Variants in PPP2R1B observed in about 807,000 individuals in gnomAD.
PPP2R1B encodes the protein serine/threonine-protein phosphatase 2A 65 kDa regulatory subunit A beta isoform.
A neutral mutation model predicts 72.7 loss-of-function variants in PPP2R1B; 58 were observed. The ratio of observed to expected loss-of-function variants is 0.80; its 90% CI spans 0.65 to 0.99. The LOEUF is 0.99. Ranked by LOEUF, PPP2R1B falls within the 50% of genes least tolerant of loss-of-function variation. The probability of loss-of-function intolerance (pLI) is 0.00; values close to 1 mark genes in which losing one functional copy is unlikely to be tolerated. For synonymous variants in PPP2R1B, 256 were observed against 264.6 expected (o/e 0.97, Z 0.32); for missense variants, 695 against 733.6 (o/e 0.95, Z 0.61).
downstream of PPP2R1B, chr11:111,737,868 C>T (rs1224766331): frequency 1.7e-6 from 2 of 1,209,554 alleles, no homozygotes; most frequent in Non-Finnish European, 2.1e-6. Flanking sequence ...ACAGGAAAGA[C>T]CTGGCTCCTT....
At chr11:111,691,507 C>T in the PPP2R1B span, among the ~76,000 whole-genome samples, 1 of 152,184 alleles carries the variant, frequency 6.6e-6, no homozygotes, top group African/African-American at 2.4e-5. Flanking sequence ...ACCTAGGTCT[C>T]TCTGACCACA....
intron 5 of PPP2R1B, among the ~76,000 whole-genome samples, chr11:111,757,307 A>G (rs921716928): frequency 6.6e-6 from 1 of 152,326 alleles, no homozygotes; most frequent in African/African-American, 2.4e-5. Flanking sequence ...CTTGAGAGAC[A>G]TAACAGTGAC....
chr11:111,731,454 T>C (rs1167779789), intron 15 of PPP2R1B, among the ~76,000 whole-genome samples: 1 of 152,258 alleles, frequency 6.6e-6, no homozygotes, highest in Admixed American at 6.5e-5. Flanking sequence ...CTCAGGGTGC[T>C]GGAGGCACCA....
intron 5 of PPP2R1B, among the ~76,000 whole-genome samples, chr11:111,759,157 T>C (rs1945233586): frequency 6.6e-6 from 1 of 152,218 alleles, no homozygotes; most frequent in Admixed American, 6.5e-5. Flanking sequence ...CTGCTAACTA[T>C]GCAAACTTCA....
In PPP2R1B at chr11:111,738,599, A is replaced by T; in HGVS notation, c.*2997T>A. 1.0e-6 allele frequency: 1 copy of T among 985,344 alleles called. No homozygotes were observed. Among genetic ancestry groups the T allele is most frequent in the Non-Finnish European group, 1.2e-6 (1 of 829,934 alleles). The allele number at this position is 985,344 out of a possible 1,614,324, so 61.0% of individuals were successfully genotyped here. On this transcript the variant is annotated 3_prime_UTR_variant, in exon 15 of 15. Coordinates refer to ENST00000527614, the MANE Select transcript of PPP2R1B (RefSeq NM_002716.5). The stretch of plus-strand genomic sequence containing the variant: ...AGTCAGGACAAGTTGTCTGGCAAAG[A>T]CCCCTGGGGCTCTGCATCACAGTGG...
chr11:111,762,709 T>C (rs1945372599), intron 3 of PPP2R1B, among the ~76,000 whole-genome samples: 1 of 152,026 alleles, frequency 6.6e-6, no homozygotes, highest in African/African-American at 2.4e-5. Flanking sequence ...CATGCCCAGC[T>C]ATTTTTTTTT....
chr11:111,700,867 T>G, the PPP2R1B span: 1 of 1,613,068 alleles, frequency 6.2e-7, no homozygotes, highest in Non-Finnish European at 8.5e-7. Context: ...GAAAATAACA[T>G]TTATTTCCAT....
chr11:111,763,322 G>C (rs1288729893), intron 3 of PPP2R1B, among the ~76,000 whole-genome samples: 3 of 152,222 alleles, frequency 2.0e-5, no homozygotes, highest in Non-Finnish European at 4.4e-5. Context: ...CCTGCCTACT[G>C]TCACCTCTTC....
At chr11:111,725,595 C>CCAT (rs1943940181), downstream of PPP2R1B, 2 of 152,608 alleles carry the variant, frequency 1.3e-5, no homozygotes, top group African/African-American at 4.8e-5. Flanking sequence ...ATGGCTTGTC[C>CCAT]CATCAGCAGA....
Position 111,741,524 on chromosome 11 carries a change from C to T in PPP2R1B, c.*72G>A. 3 of 1,579,232 alleles carry T rather than the reference C, an allele frequency of 1.9e-6. No individual in the cohort carries two copies. The highest frequency in any genetic ancestry group is 2.6e-6 in the Non-Finnish European group (3 of 1,167,794). On this transcript the variant is annotated 3_prime_UTR_variant, in exon 15 of 15. Coordinates refer to ENST00000527614, the MANE Select transcript of PPP2R1B (RefSeq NM_002716.5). ...TTGAAGGTTTTCCATTCTTTCTCCA[C>T]CCAGTTAAGAACACATTGACTAGAA...
chr11:111,743,866 G>C (rs1944609254), intron 11 of PPP2R1B, among the ~76,000 whole-genome samples: 1 of 152,224 alleles, frequency 6.6e-6, no homozygotes, highest in African/African-American at 2.4e-5. Flanking sequence ...CACACTCCAT[G>C]AAGTCACATG....
chr11:111,741,748 C>G, intron 14 of PPP2R1B, 136 bp from the exon 15 acceptor site: 1 of 1,020,828 alleles, frequency 9.8e-7, no homozygotes, highest in Non-Finnish European at 1.5e-6. Flanking sequence ...CTTTACTCAG[C>G]CAGGCTAATC....
downstream of PPP2R1B, chr11:111,726,681 C>T: frequency 2.3e-6 from 1 of 436,924 alleles, no homozygotes; most frequent in South Asian, 3.0e-5. Context: ...CCCATGGAAG[C>T]TTCCAAGCAG....
At chr11:111,720,889 T>G in the PPP2R1B span, 1 of 1,612,978 alleles carries the variant, frequency 6.2e-7, no homozygotes, top group African/African-American at 1.3e-5. Flanking sequence ...GTCTTGGTGC[T>G]TTCTTTCAGG....
intron 9 of PPP2R1B, among the ~76,000 whole-genome samples, chr11:111,753,240 G>C (rs1490588813): frequency 3.3e-5 from 5 of 152,134 alleles, no homozygotes; most frequent in Non-Finnish European, 7.4e-5. Context: ...GATATTTCTA[G>C]GTTTACTCTA....
chr11:111,701,647 C>A, the PPP2R1B span: 1 of 1,537,396 alleles, frequency 6.5e-7, no homozygotes, highest in Non-Finnish European at 8.8e-7. This position sits in a 1 kb window ranked among gnomAD's most constrained non-coding sequence, Gnocchi z 4.2. Flanking sequence ...TAGGTAAAAG[C>A]TTCTTTTTTT....
chr11:111,732,670 G>A (rs533138345), intron 15 of PPP2R1B, among the ~76,000 whole-genome samples: 3 of 152,202 alleles, frequency 2.0e-5, no homozygotes, highest in South Asian at 2.1e-4. Flanking sequence ...CAGCCTGAGC[G>A]ACACAGCAAG....
chr11:111,712,384 A>G, the PPP2R1B span: 4 of 1,611,426 alleles, frequency 2.5e-6, no homozygotes, highest in Admixed American at 1.7e-5. Flanking sequence ...AGGTACGGCT[A>G]TGTTTGAGAG....
At chr11:111,752,051 AT>A (rs2136077076) in intron 10 of PPP2R1B, 107 bp downstream of exon 10, 1 of 1,203,962 alleles carries the variant, frequency 8.3e-7, no homozygotes. Flanking sequence ...CCATACTTTC[AT>A]GCATCTAAAC....
Sources: allele counts gnomAD v4.1 joint callset (sites outside exome capture counted in the v4.1 genomes callset), GRCh38; gene constraint gnomAD v4.1.1; non-coding constraint Gnocchi (gnomAD v3.1); transcripts MANE v1.5; gene names NCBI Gene and HGNC (gene_info 2026-07-23, HGNC 2026-07-21).